Variants in CELF2 observed in about 807,000 individuals in gnomAD.
The protein encoded by CELF2 is CUG triplet repeat RNA-binding protein 2.
A neutral mutation model predicts 62.6 loss-of-function variants in CELF2; 8 were observed. The observed-to-expected ratio is 0.13, with a 90% CI of 0.07 to 0.23. The LOEUF (loss-of-function observed/expected upper bound fraction) is 0.23. Among genes scored for constraint, CELF2 ranks in the 10% least tolerant of loss-of-function variants. The pLI is 1.00. For synonymous variants in CELF2, 258 were observed against 250.0 expected (o/e 1.03, Z -0.30); for missense variants, 333 against 671.0 (o/e 0.50, Z 5.56).
rs2095452240 is a variant in CELF2 at position 11,321,756 on chromosome 10, C to T, written c.1294+370C>T. Among the ~76,000 whole-genome samples the T allele has an allele frequency of 6.6e-6, 1 of 152,170 alleles. No individual in the cohort carries two copies. Among genetic ancestry groups the T allele is most frequent in the South Asian group, 2.1e-4 (1 of 4,830 alleles). On this transcript the variant is annotated intron_variant, in intron 11 of 12. Transcript: ENST00000633077. The surrounding 1 kb of genome is among the most constrained non-coding windows in gnomAD (Gnocchi z 6.2). The stretch of plus-strand genomic sequence containing the variant: ...TCTCACTTGGTCTTATAGTTACCTT[C>T]TAATTTAATTTTTCATCGATCTCTT...
rs1040080943 is a variant in CELF2 at position 10,993,075 on chromosome 10, G to A, written c.89+73076G>A. 2.6e-5 allele frequency among the ~76,000 whole-genome samples: 4 copies of A among 152,086 alleles called. No individual in the cohort carries two copies. Among genetic ancestry groups the A allele is most frequent in the African/African-American group, 4.8e-5 (2 of 41,416 alleles). ...CCCAGAATTCAGAGAAACTCAGGGCGGATGATCCAGGGCAGGGCAGAACAA... is the reference window on the plus strand; with the variant it reads ...CCCAGAATTCAGAGAAACTCAGGGCAGATGATCCAGGGCAGGGCAGAACAA... On this transcript the variant is annotated intron_variant, in intron 2 of 13. Coordinates refer to the CELF2 transcript ENST00000636488. This position sits in a 1 kb window ranked among gnomAD's most constrained non-coding sequence, Gnocchi z 5.3.
At position 10,972,769 on chromosome 10, in the gene CELF2, G is replaced by C. The variant is rs1306479870; in HGVS notation, c.89+52770G>C. Among the ~76,000 whole-genome samples the C allele has an allele frequency of 6.6e-6, 1 of 152,006 alleles. No homozygotes were observed. The highest frequency in any genetic ancestry group is 1.5e-5 in the Non-Finnish European group (1 of 67,996). On this transcript the variant is annotated intron_variant, in intron 2 of 13. Coordinates refer to the CELF2 transcript ENST00000636488. The surrounding 1 kb of genome is among the most constrained non-coding windows in gnomAD (Gnocchi z 4.4). ...ACGTCCACTCACACCCTTCCTTTTT[G>C]ATCTGTTCCTATTCTGAAATACACA...
intron 2 of CELF2, among the ~76,000 whole-genome samples, chr10:11,200,167 GAGTTTTACAAAT>G (rs1329213834): frequency 3.3e-5 from 5 of 152,160 alleles, no homozygotes; most frequent in African/African-American, 4.8e-5. Flanking sequence ...CCCACTAGAG[GAGTTTTACAAAT>G]AGTTTTCAAG....
chr10:10,941,161 G>A (rs2047003232), intron 2 of CELF2, among the ~76,000 whole-genome samples: 1 of 152,224 alleles, frequency 6.6e-6, no homozygotes, highest in Non-Finnish European at 1.5e-5. Context: ...TTCCCTGCAA[G>A]AAACAAGAGC....
At chr10:11,005,280 GAGAGAGA>G, upstream of CELF2, 1 of 1,592,934 alleles carries the variant, frequency 6.3e-7, no homozygotes, top group Non-Finnish European at 8.6e-7. This position sits in a 1 kb window ranked among gnomAD's most constrained non-coding sequence, Gnocchi z 4.3. Flanking sequence ...GAGAGAGAGA[GAGAGAGA>G]GAGAGAGGGA....
rs2064470205 is a variant in CELF2, at chr10:11,156,647, A to G, written c.75-8839A>G. The stretch of plus-strand genomic sequence containing the variant: ...TGAATTTGTCAGACTCGCGTCATAA[A>G]TATGATTAAGTGAATGAATGAGACA... On this transcript the variant is annotated intron_variant, in intron 1 of 12. Transcript: ENST00000633077. The surrounding 1 kb of genome is among the most constrained non-coding windows in gnomAD (Gnocchi z 4.3). 6.6e-6 allele frequency among the ~76,000 whole-genome samples: 1 copy of G among 152,172 alleles called. No individual in the cohort carries two copies. Among genetic ancestry groups the G allele is most frequent in the South Asian group, 2.1e-4 (1 of 4,830 alleles).
At chr10:11,238,190 A>T (rs762411198) in intron 3 of CELF2, among the ~76,000 whole-genome samples, 2 of 152,190 alleles carry the variant, frequency 1.3e-5, no homozygotes, top group Non-Finnish European at 2.9e-5. Context: ...TATACTTCCC[A>T]CTTAGTGATA....
upstream of CELF2, among the ~76,000 whole-genome samples, chr10:11,002,635 G>C (rs961995255): frequency 2.6e-5 from 4 of 152,290 alleles, no homozygotes; most frequent in African/African-American, 9.6e-5. This position sits in a 1 kb window ranked among gnomAD's most constrained non-coding sequence, Gnocchi z 4.4. Context: ...AATTTCTGCA[G>C]CTAAGGGGGT....
the CELF2 span, among the ~76,000 whole-genome samples, chr10:10,481,726 C>G: frequency 2.6e-5 from 4 of 152,122 alleles, no homozygotes; most frequent in Non-Finnish European, 5.9e-5. Flanking sequence ...GTCTTCAGAT[C>G]TCGATATTTT....
rs1338746915 is a variant in CELF2 at position 11,117,564 on chromosome 10, T to A, written c.75-47922T>A. Among the ~76,000 whole-genome samples, 2 of 152,182 alleles carry A rather than the reference T, an allele frequency of 1.3e-5. No individual in the cohort carries two copies. On this transcript the variant is annotated intron_variant, in intron 1 of 12. Coordinates refer to ENST00000633077, the MANE Select transcript of CELF2 (RefSeq NM_001326342.2). The surrounding 1 kb of genome is among the most constrained non-coding windows in gnomAD (Gnocchi z 4.1). Reference sequence around the variant, plus strand: ...TGTTATACAGCCTCTTAGGGGTTTTTATGTCTGACTCCATAATATTTATGA... The same window carrying A: ...TGTTATACAGCCTCTTAGGGGTTTTAATGTCTGACTCCATAATATTTATGA...
At chr10:11,132,121 G>C (rs762849517) in intron 1 of CELF2, among the ~76,000 whole-genome samples, 4 of 152,224 alleles carry the variant, frequency 2.6e-5, no homozygotes, top group Non-Finnish European at 4.4e-5. Flanking sequence ...GCATCACCCA[G>C]GTCCCTTACT....
At chr10:10,906,128 T>A (rs76790161) in intron 1 of CELF2, among the ~76,000 whole-genome samples, 151 of 150,578 alleles carry the variant, frequency 1.0e-3, no homozygotes, top group African/African-American at 3.5e-3. Flanking sequence ...TAAAAGATGA[T>A]CTGTCCCAAC....
At chr10:11,201,374 G>C (rs555792726) in intron 2 of CELF2, among the ~76,000 whole-genome samples, 1 of 152,250 alleles carries the variant, frequency 6.6e-6, no homozygotes, top group Admixed American at 6.5e-5. Flanking sequence ...AGGGATCCAG[G>C]CTTCTCCATC....
chr10:10,540,087 T>G, the CELF2 span, among the ~76,000 whole-genome samples: 1 of 152,152 alleles, frequency 6.6e-6, no homozygotes, highest in Admixed American at 6.5e-5. Flanking sequence ...CTCACTCCAG[T>G]GTCTTAATTT....
the CELF2 span, among the ~76,000 whole-genome samples, chr10:10,614,429 TAGG>T: frequency 1.4e-4 from 22 of 152,072 alleles, no homozygotes; most frequent in African/African-American, 2.2e-4. Flanking sequence ...CAGTTCTCCA[TAGG>T]AGTTGTTTTT....
chr10:11,061,756 G>C (rs2066783465), intron 1 of CELF2, among the ~76,000 whole-genome samples: 1 of 152,210 alleles, frequency 6.6e-6, no homozygotes, highest in Admixed American at 6.5e-5. Flanking sequence ...TCTGTAAATG[G>C]AACAACAAAG....
At chr10:10,665,534 C>G in the CELF2 span, among the ~76,000 whole-genome samples, 1 of 152,138 alleles carries the variant, frequency 6.6e-6, no homozygotes, top group African/African-American at 2.4e-5. Flanking sequence ...ACTCGTTGTC[C>G]ACCCTGGACA....
the CELF2 span, among the ~76,000 whole-genome samples, chr10:10,709,428 TC>T: frequency 6.6e-6 from 1 of 152,138 alleles, no homozygotes; most frequent in Non-Finnish European, 1.5e-5. Context: ...CCCTCCTTCC[TC>T]CCCACGCCCA....
At chr10:11,212,947 T>C (rs934316905) in intron 2 of CELF2, among the ~76,000 whole-genome samples, 1 of 152,078 alleles carries the variant, frequency 6.6e-6, no homozygotes, top group Non-Finnish European at 1.5e-5. Flanking sequence ...GCTTATTAGA[T>C]AGTGTCAAAT....
Sources: gnomAD v4.1 joint callset for allele counts (sites outside exome capture counted in the v4.1 genomes callset) on GRCh38, gnomAD v4.1.1 for gene constraint, Gnocchi (gnomAD v3.1) non-coding constraint, MANE v1.5 for transcripts, NCBI Gene and HGNC (gene_info 2026-07-23, HGNC 2026-07-21) for gene names.